The following SKP1 variants were observed in gnomAD, a reference collection of about 807,000 sequenced individuals.
SKP1 encodes the protein S-phase kinase-associated protein 1.
SKP1 carries 1 observed loss-of-function variant against 21.5 expected under a neutral mutation model. That is an observed-to-expected ratio of 0.05 (90% CI 0.02 to 0.22). The LOEUF (loss-of-function observed/expected upper bound fraction) is 0.22, where lower values mean the gene tolerates loss of function less well. SKP1 is among the 10% of genes least tolerant of loss of function. SKP1 has a pLI of 1.00. For missense variants in SKP1, 70 were observed against 192.0 expected, an observed-to-expected ratio of 0.36 and a Z score of 3.76; for synonymous variants, 59 against 59.3, an observed-to-expected ratio of 0.99 and a Z score of 0.03.
intron 3 of SKP1, among the ~76,000 whole-genome samples, chr5:134,162,071 AG>A (rs1404391212): frequency 6.6e-6 from 1 of 151,936 alleles, no homozygotes; most frequent in Non-Finnish European, 1.5e-5. Flanking sequence ...AAAAAAAAAA[AG>A]AAAGAACAAT....
intron 2 of SKP1, among the ~76,000 whole-genome samples, chr5:134,169,586 C>T (rs946250730): frequency 6.6e-6 from 1 of 152,152 alleles, no homozygotes; most frequent in East Asian, 1.9e-4. Context: ...GGCTTTTGGC[C>T]GGGTGCAGTG....
At chr5:134,176,005 C>T (rs1448713282) in intron 1 of SKP1, among the ~76,000 whole-genome samples, 3 of 152,114 alleles carry the variant, frequency 2.0e-5, no homozygotes, top group African/African-American at 7.2e-5. Flanking sequence ...GTGGAGGAGA[C>T]GGTATTGTTC....
In SKP1 at chr5:134,154,441, C is replaced by CTT. The variant is rs1400705301; in HGVS notation, c.*3291_*3292insAA. 1 of 97,290 alleles carries CTT rather than the reference C, an allele frequency of 1.0e-5. No individual in the cohort carries two copies. The highest frequency in any genetic ancestry group is 1.8e-5 in the Non-Finnish European group (1 of 55,846). 6.0% of individuals were successfully genotyped at this position (97,290 alleles called of 1,614,324 possible). ...CCAGTCTGGGCGACAGAGTGAGACT[C>CTT]TGTCTCAAAAAAAAAAAAAAAAAAA... On this transcript the variant is annotated 3_prime_UTR_variant, in exon 6 of 6. Coordinates refer to ENST00000353411, the MANE Select transcript of SKP1 (RefSeq NM_170679.3).
intron 1 of SKP1, among the ~76,000 whole-genome samples, chr5:134,175,722 T>C (rs1348475234): frequency 2.6e-5 from 4 of 152,384 alleles, no homozygotes; most frequent in Non-Finnish European, 5.9e-5. Flanking sequence ...TCGGTTAATC[T>C]GTAATTCGAT....
intron 3 of SKP1, among the ~76,000 whole-genome samples, chr5:134,164,214 G>A (rs1033581511): frequency 6.6e-6 from 1 of 151,016 alleles, no homozygotes; most frequent in Non-Finnish European, 1.5e-5. Context: ...CCCAGCTACT[G>A]AGGCTGAAGC....
At position 134,157,714 on chromosome 5, in the gene SKP1, C is replaced by CA. The variant is rs1307326372; in HGVS notation, c.*18dup. ...ATTTGGAACAATCCTTACAGTGTTA[C>CA]AGTGTCAGGCACAACATTTCACTTC... On this transcript the variant is annotated 3_prime_UTR_variant, in exon 6 of 6. Coordinates refer to ENST00000353411, the MANE Select transcript of SKP1 (RefSeq NM_170679.3). The CA allele has an allele frequency of 1.9e-6, 3 of 1,593,730 alleles. No homozygotes were observed. In the African/African-American group the frequency reaches 4.0e-5, roughly 21 times the overall value.
chr5:134,165,976 T>C (rs1033378491), intron 3 of SKP1, among the ~76,000 whole-genome samples: 1 of 151,494 alleles, frequency 6.6e-6, no homozygotes, highest in East Asian at 2.0e-4. Flanking sequence ...GGAGATCGTC[T>C]GAGGTCAGGA....
chr5:134,157,824 T>TA, intron 5 of SKP1, 56 bp from the exon 6 acceptor site: 1 of 1,612,464 alleles, frequency 6.2e-7, no homozygotes, highest in Non-Finnish European at 8.5e-7. Flanking sequence ...TCCTAAGACT[T>TA]ATAAATACTA....
At chr5:134,170,827 G>C in intron 2 of SKP1, 1 of 351,844 alleles carries the variant, frequency 2.8e-6, no homozygotes, top group South Asian at 2.2e-5. Context: ...CCTTGAAGCA[G>C]CACAGGACAG....
chr5:134,167,615 C>T (rs1410958172), intron 2 of SKP1, among the ~76,000 whole-genome samples: 3 of 152,002 alleles, frequency 2.0e-5, no homozygotes, highest in Non-Finnish European at 4.4e-5. Context: ...CTCCGCCTCC[C>T]GGGTTCACAC....
intron 3 of SKP1, among the ~76,000 whole-genome samples, chr5:134,162,573 T>A (rs1429902920): frequency 4.6e-5 from 7 of 151,548 alleles, no homozygotes; most frequent in Admixed American, 3.3e-4. Flanking sequence ...ACCCAGCTAA[T>A]TTTTTTTTAT....
At chr5:134,158,047 C>G in intron 5 of SKP1, 1 of 1,463,656 alleles carries the variant, frequency 6.8e-7, no homozygotes, top group East Asian at 2.9e-5. Flanking sequence ...TTATTTCAGT[C>G]TGTAGTCATG....
chr5:134,171,832 G>A (rs1761445945), intron 2 of SKP1, among the ~76,000 whole-genome samples: 2 of 152,146 alleles, frequency 1.3e-5, no homozygotes, highest in African/African-American at 4.8e-5. Flanking sequence ...ATCACCTGAG[G>A]TCAGGAGTTT....
intron 2 of SKP1, chr5:134,173,651 G>A (rs1761486190): frequency 2.0e-6 from 1 of 508,366 alleles, no homozygotes; most frequent in Non-Finnish European, 3.7e-6. Flanking sequence ...TACTTGAACA[G>A]AAATTAACCA....
intron 1 of SKP1, among the ~76,000 whole-genome samples, chr5:134,175,933 GA>G (rs3216499): frequency 0.94 from 143,295 of 152,006 alleles, 67,790 homozygotes; most frequent in African/African-American, 0.99. Context: ...ACATCATATA[GA>G]AAAAAAAACC....
At chr5:134,172,994 C>T in intron 2 of SKP1, among the ~76,000 whole-genome samples, 1 of 129,416 alleles carries the variant, frequency 7.7e-6, no homozygotes, top group African/African-American at 3.0e-5. Flanking sequence ...GCCTGGGCAA[C>T]AGAGCAAGAC....
intron 3 of SKP1, 40 bp downstream of exon 3, chr5:134,167,130 A>G: frequency 9.9e-7 from 1 of 1,006,690 alleles, no homozygotes; most frequent in Non-Finnish European, 1.6e-6. Context: ...TTGGTGTTAT[A>G]TATTAAGCAG....
chr5:134,157,272 G>GCT lies in SKP1; in HGVS notation c.*459_*460dup, dbSNP rs1175632886. On this transcript the variant is annotated 3_prime_UTR_variant, in exon 6 of 6. Transcript: ENST00000353411. ...CAGGAGGCTGGAAGACATCCTAGTA[G>GCT]CTCCACTCAGAACATTTACTTCAAG... The GCT allele has an allele frequency of 2.3e-5, 4 of 172,752 alleles. No individual in the cohort carries two copies. The highest frequency in any genetic ancestry group is 9.6e-5 in the African/African-American group (4 of 41,544). The allele number at this position is 172,752 out of a possible 1,614,324, so 10.7% of individuals were successfully genotyped here. A position where few individuals can be genotyped will look rare whatever the true frequency, so the allele number is the denominator to read the frequency against.
rs569751357 is a variant in SKP1 at position 134,167,804 on chromosome 5, G to A, written c.98-561C>T. 5.3e-5 allele frequency among the ~76,000 whole-genome samples: 8 copies of A among 152,314 alleles called. No homozygotes were observed. The South Asian group carries it at 1.7e-3, about 32-fold the overall frequency. On this transcript the variant is annotated intron_variant, in intron 2 of 5. Coordinates refer to ENST00000353411, the MANE Select transcript of SKP1 (RefSeq NM_170679.3). ...CTCCCAAAGTGCTGGGATTACAGGCGTGAGCCACCGCGTCCAGCCATCTAG... is the reference window on the plus strand; with the variant it reads ...CTCCCAAAGTGCTGGGATTACAGGCATGAGCCACCGCGTCCAGCCATCTAG...
Sources: allele counts gnomAD v4.1 joint callset (sites outside exome capture counted in the v4.1 genomes callset), GRCh38; gene constraint gnomAD v4.1.1; transcripts MANE v1.5; gene names NCBI Gene and HGNC (gene_info 2026-07-23, HGNC 2026-07-21).